The following COQ8A variants were observed in gnomAD, a reference collection of about 807,000 sequenced individuals.
COQ8A encodes the protein atypical kinase COQ8A, mitochondrial.
Under a neutral mutation model 65.0 loss-of-function variants are expected in COQ8A, and 51 were observed. The observed-to-expected ratio is 0.78, with a 90% CI of 0.63 to 0.99. COQ8A has a LOEUF of 0.99. Among genes scored for constraint, COQ8A ranks in the 50% least tolerant of loss-of-function variants. The pLI is 0.00. For synonymous variants in COQ8A, 371 were observed against 353.2 expected (o/e 1.05, Z -0.57); for missense variants, 940 against 875.0 (o/e 1.07, Z -0.94).
chr1:226,984,352 G>T, intron 11 of COQ8A, 117 bp downstream of exon 11: 1 of 1,491,254 alleles, frequency 6.7e-7, no homozygotes, highest in Non-Finnish European at 9.2e-7. Context: ...GGGGTGAGGG[G>T]CAGTGAAGTA....
At chr1:226,985,007 C>T in intron 13 of COQ8A, 66 bp downstream of exon 13, 11 of 1,580,574 alleles carry the variant, frequency 7.0e-6, no homozygotes, top group Non-Finnish European at 8.7e-6. Context: ...TGCTGGGGGA[C>T]TCGGGGTAGG....
In COQ8A at chr1:226,984,269, G is replaced by T. The variant is rs1384862127; in HGVS notation, c.1398+34G>T. ...GTGCCAGCAGACAGGTGGGGCCAGG[G>T]TGGCCCTGCTGTGTGGCTGTTTGGT... On this transcript the variant is annotated intron_variant, in intron 11 of 14. Transcript: ENST00000366777. 3.7e-6 allele frequency: 6 copies of T among 1,611,826 alleles called. No homozygotes were observed. Among genetic ancestry groups the T allele is most frequent in the African/African-American group, 1.3e-5 (1 of 74,918 alleles).
intron 4 of COQ8A, among the ~76,000 whole-genome samples, chr1:226,966,746 TC>T (rs141673775): frequency 0.03 from 4,605 of 152,216 alleles, 226 homozygotes; most frequent in African/African-American, 0.097. Context: ...TACATGCTGT[TC>T]CTCCGCTCCT....
At chr1:226,960,913 A>G (rs1047747726) in intron 1 of COQ8A, among the ~76,000 whole-genome samples, 7 of 152,064 alleles carry the variant, frequency 4.6e-5, no homozygotes, top group African/African-American at 1.7e-4. Flanking sequence ...TGGAGCACCA[A>G]TGCCGTGAGT....
chr1:226,983,171 T>C (rs1442414811), intron 8 of COQ8A, 137 bp downstream of exon 8: 1 of 1,293,134 alleles, frequency 7.7e-7, no homozygotes, highest in Non-Finnish European at 1.0e-6. Flanking sequence ...TGGTGTCTTC[T>C]GGCCCCAGTG....
chr1:226,959,253 C>T (rs940847658), intron 1 of COQ8A, among the ~76,000 whole-genome samples: 1 of 152,054 alleles, frequency 6.6e-6, no homozygotes, highest in Non-Finnish European at 1.5e-5. Context: ...CAGAAAAATA[C>T]CTGGTCTTAA....
intron 4 of COQ8A, among the ~76,000 whole-genome samples, chr1:226,969,595 T>A (rs944390176): frequency 6.6e-6 from 1 of 152,240 alleles, no homozygotes; most frequent in Non-Finnish European, 1.5e-5. Flanking sequence ...ATGTTATGCC[T>A]CTTTTCATCT....
intron 1 of COQ8A, among the ~76,000 whole-genome samples, chr1:226,945,115 T>C (rs1274993998): frequency 6.6e-6 from 1 of 152,190 alleles, no homozygotes; most frequent in Non-Finnish European, 1.5e-5. Context: ...TTGCTGACTT[T>C]CTGCACTCCA....
rs772150402 is a variant in COQ8A at position 226,977,415 on chromosome 1, TGA to T, written c.656-32_656-31del. 1.5e-5 allele frequency: 23 copies of T among 1,547,510 alleles called. No individual in the cohort carries two copies. The East Asian group carries it at 4.9e-4, about 33-fold the overall frequency. On this transcript the variant is annotated intron_variant, in intron 4 of 14. Transcript: ENST00000366777. ...GCGAGCGGGTGGCCCCAGCCCTGCG[TGA>T]GCACTGAGTGCCCGCCCCCTCCTCC...
chr1:226,954,415 A>G (rs900271950), intron 1 of COQ8A, among the ~76,000 whole-genome samples: 2 of 152,350 alleles, frequency 1.3e-5, no homozygotes, highest in Non-Finnish European at 2.9e-5. Flanking sequence ...CGGGGTTCTC[A>G]AAGTAAGTTC....
In COQ8A at chr1:226,965,023, T is replaced by C; in HGVS notation, c.201T>C (p.Tyr67=). The change falls in exon 3 of 15, where the codon TAT becomes TAC. Residue 67 remains tyrosine, a synonymous_variant. Transcript: ENST00000366777. ...KVQGQDKHEE[Y]FAENFGGPEG... ...AGGGTCAGGATAAACATGAAGAATATTTTGCTGAGAACTTCGGCGGCCCAG... is the reference window on the plus strand; with the variant it reads ...AGGGTCAGGATAAACATGAAGAATACTTTGCTGAGAACTTCGGCGGCCCAG... 6.2e-7 allele frequency: 1 copy of C among 1,614,042 alleles called. No individual in the cohort carries two copies. Among genetic ancestry groups the C allele is most frequent in the Non-Finnish European group, 8.5e-7 (1 of 1,180,016 alleles).
chr1:226,970,311 ATT>A (rs1235624369), intron 4 of COQ8A, among the ~76,000 whole-genome samples: 19 of 152,322 alleles, frequency 1.2e-4, no homozygotes, highest in African/African-American at 4.3e-4. Context: ...CAGTTTCATC[ATT>A]GTGTGAACAT....
chr1:226,983,092 G>A (rs1046126913), intron 8 of COQ8A, 58 bp downstream of exon 8: 3 of 1,539,854 alleles, frequency 1.9e-6, no homozygotes, highest in African/African-American at 1.4e-5. Context: ...GCAGAGCTGG[G>A]GCCTGGCTCA....
intron 5 of COQ8A, 80 bp downstream of exon 5, chr1:226,977,603 TCTGGGAGTGTCAGCCAG>T: frequency 6.9e-7 from 1 of 1,453,820 alleles, no homozygotes; most frequent in Admixed American, 2.0e-5. Context: ...CCACCTGTGC[TCTGGGAGTGTCAGCCAG>T]CTGGGCCGCA....
In COQ8A at chr1:226,977,505, C is replaced by G; in HGVS notation, c.712C>G (p.Arg238Gly). The G allele has an allele frequency of 6.4e-7, 1 of 1,563,792 alleles. No homozygotes were observed. The highest frequency in any genetic ancestry group is 8.7e-7 in the Non-Finnish European group (1 of 1,154,080). The stretch of plus-strand genomic sequence containing the variant: ...GGCAGAGGTCGCCAAGAAGAGCCTG[C>G]GCTCCGAGGACCCCTCAGGTGAGCC... ...ALAEVAKKSL[R>G]SEDPSGKKAV... Residue 238 changes from arginine to glycine, a missense_variant, in exon 5 of 15, where the codon CGC becomes GGC. Arg to Gly is a moderately radical substitution (Grantham distance 125, BLOSUM62 -2). Transcript: ENST00000366777.
chr1:226,971,189 C>G (rs925934415), intron 4 of COQ8A, among the ~76,000 whole-genome samples: 1 of 152,040 alleles, frequency 6.6e-6, no homozygotes, highest in Non-Finnish European at 1.5e-5. Flanking sequence ...GATCCACCCA[C>G]CTCTGCCTCC....
chr1:226,969,038 G>A (rs973108803), intron 4 of COQ8A, among the ~76,000 whole-genome samples: 10 of 152,114 alleles, frequency 6.6e-5, no homozygotes, highest in Non-Finnish European at 7.4e-5. Context: ...GGGTCTTGCC[G>A]TTGATTCCAA....
At chr1:226,979,826 G>A (rs1239585855) in intron 5 of COQ8A, among the ~76,000 whole-genome samples, 3 of 152,190 alleles carry the variant, frequency 2.0e-5, no homozygotes, top group Admixed American at 6.5e-5. Context: ...TATTTTTAGC[G>A]TTGGTGCTGA....
At position 226,983,043 on chromosome 1, in the gene COQ8A, C is replaced by T; in HGVS notation, c.1080+9C>T. 1 of 1,577,288 alleles carries T rather than the reference C, an allele frequency of 6.3e-7. No individual in the cohort carries two copies. Among genetic ancestry groups the T allele is most frequent in the Non-Finnish European group, 8.6e-7 (1 of 1,162,896 alleles). ...TGGCCATGAAGATCCAGGTAGGCGG[C>T]CTGATGCGCAGTGCCTGTCCCTATG... On this transcript the variant is annotated intron_variant, in intron 8 of 14. Coordinates refer to ENST00000366777, the MANE Select transcript of COQ8A (RefSeq NM_020247.5).
Sources: gnomAD v4.1 joint callset for allele counts (sites outside exome capture counted in the v4.1 genomes callset) on GRCh38, gnomAD v4.1.1 for gene constraint, MANE v1.5 for transcripts, NCBI Gene and HGNC (gene_info 2026-07-23, HGNC 2026-07-21) for gene names.